Variants in DGKB observed in about 807,000 individuals in gnomAD.
DGKB encodes the protein 90 kDa diacylglycerol kinase.
Under a neutral mutation model 114.3 loss-of-function variants are expected in DGKB, and 67 were observed. The observed-to-expected ratio is 0.59, with a 90% confidence interval of 0.48 to 0.72. The LOEUF (loss-of-function observed/expected upper bound fraction) is 0.72. DGKB is among the 30% of genes least tolerant of loss of function. DGKB has a pLI of 0.00. For missense variants in DGKB, 907 were observed against 975.2 expected, an observed-to-expected ratio of 0.93 and a Z score of 0.93; for synonymous variants, 398 against 323.1, an observed-to-expected ratio of 1.23 and a Z score of -2.49.
At chr7:14,591,137 G>A (rs1801636574) in intron 17 of DGKB, among the ~76,000 whole-genome samples, 1 of 152,230 alleles carries the variant, frequency 6.6e-6, no homozygotes, top group African/African-American at 2.4e-5. Flanking sequence ...CACCCAGGAA[G>A]GCTGTGATGA....
intron 23 of DGKB, among the ~76,000 whole-genome samples, chr7:14,268,198 CAT>C (rs1797783372): frequency 7.1e-6 from 1 of 140,668 alleles, no homozygotes; most frequent in Non-Finnish European, 1.6e-5. Context: ...CACACACACC[CAT>C]AGTCACTGTA....
At chr7:14,709,297 AT>A (rs1826902295) in intron 6 of DGKB, among the ~76,000 whole-genome samples, 1 of 149,302 alleles carries the variant, frequency 6.7e-6, no homozygotes, top group South Asian at 2.2e-4. Flanking sequence ...AATGGCAGTC[AT>A]TAAAAAGTCA....
Position 14,198,320 on chromosome 7 carries a change from T to C in DGKB, c.2123-20169A>G, listed in dbSNP as rs985521565. 2.0e-5 allele frequency among the ~76,000 whole-genome samples: 3 copies of C among 152,060 alleles called. No individual in the cohort carries two copies. In the South Asian group the frequency reaches 6.2e-4, roughly 31 times the overall value. On this transcript the variant is annotated intron_variant, in intron 23 of 25. Transcript: ENST00000402815. ...TGTCAAGGTATGGGAACATCTAAGATTTCACCTTTCTTGAAAGCTAACATG... is the reference window on the plus strand; with the variant it reads ...TGTCAAGGTATGGGAACATCTAAGACTTCACCTTTCTTGAAAGCTAACATG...
intron 2 of DGKB, among the ~76,000 whole-genome samples, chr7:14,770,076 A>G (rs1232938127): frequency 6.6e-6 from 1 of 152,112 alleles, no homozygotes; most frequent in Non-Finnish European, 1.5e-5. Flanking sequence ...TTTAAAGGTG[A>G]TGTTCAAACA....
chr7:14,595,919 A>G (rs946343841), intron 17 of DGKB, among the ~76,000 whole-genome samples: 2 of 152,122 alleles, frequency 1.3e-5, no homozygotes, highest in East Asian at 3.9e-4. Flanking sequence ...AAATACGTGA[A>G]AATCAATATT....
intron 21 of DGKB, among the ~76,000 whole-genome samples, chr7:14,352,416 T>C (rs1813636633): frequency 6.6e-6 from 1 of 152,188 alleles, no homozygotes; most frequent in South Asian, 2.1e-4. Context: ...TGTTCTCTAG[T>C]TCTCTATTTG....
chr7:14,322,219 G>T (rs180937181), intron 23 of DGKB, among the ~76,000 whole-genome samples: 126 of 152,240 alleles, frequency 8.3e-4, no homozygotes, highest in Non-Finnish European at 1.4e-3. Flanking sequence ...TGGTACAGTG[G>T]CAGGGATGAG....
At chr7:14,594,977 T>G (rs1412146864) in intron 17 of DGKB, among the ~76,000 whole-genome samples, 1 of 152,096 alleles carries the variant, frequency 6.6e-6, no homozygotes, top group African/African-American at 2.4e-5. Flanking sequence ...TTCTTGCCTT[T>G]GAGTATCTCA....
At chr7:14,508,116 A>G (rs1787387887) in intron 20 of DGKB, among the ~76,000 whole-genome samples, 1 of 152,202 alleles carries the variant, frequency 6.6e-6, no homozygotes, top group African/African-American at 2.4e-5. Context: ...TATATTAGTT[A>G]TGAATAAAGG....
At chr7:14,919,087 C>CACACAA (rs1554345168) in intron 1 of DGKB, among the ~76,000 whole-genome samples, 207 of 119,936 alleles carry the variant, frequency 1.7e-3, no homozygotes, top group African/African-American at 7.4e-3. Flanking sequence ...CACACACACA[C>CACACAA]ACACACAAAC....
chr7:14,963,557 A>C (rs1353499525), intron 1 of DGKB, among the ~76,000 whole-genome samples: 16 of 152,222 alleles, frequency 1.1e-4, no homozygotes, highest in Non-Finnish European at 2.1e-4. Flanking sequence ...ATAATTAATC[A>C]GGTGTTTCCT....
intron 4 of DGKB, among the ~76,000 whole-genome samples, chr7:14,742,736 AT>A (rs1357292029): frequency 1.3e-5 from 2 of 152,214 alleles, no homozygotes; most frequent in African/African-American, 4.8e-5. Flanking sequence ...AAAGTTTAAA[AT>A]TGCTAAGAGT....
chr7:14,796,935 C>A (rs1841494277), intron 2 of DGKB, among the ~76,000 whole-genome samples: 1 of 151,958 alleles, frequency 6.6e-6, no homozygotes, highest in African/African-American at 2.4e-5. Flanking sequence ...TTAAAAAAAT[C>A]TTTAAAGGCA....
At position 14,810,717 on chromosome 7, in the gene DGKB, G is replaced by A. The variant is rs188911864; in HGVS notation, c.70+30477C>T. Among the ~76,000 whole-genome samples, 47 of 133,954 alleles carry A rather than the reference G, an allele frequency of 3.5e-4. No individual in the cohort carries two copies. The East Asian group carries it at 8.2e-3, about 23-fold the overall frequency. 87.9% of individuals were successfully genotyped at this position (133,954 alleles called of 152,430 possible). On this transcript the variant is annotated intron_variant, in intron 2 of 25. Coordinates refer to ENST00000402815, the MANE Select transcript of DGKB (RefSeq NM_001350709.2). ...TCCATTTCCCAGGCTCAAGCGATTC[G>A]TGTGTCCCAGCCTCTCAAGTAGCTG...
intron 1 of DGKB, among the ~76,000 whole-genome samples, chr7:14,854,214 G>C (rs1468050037): frequency 6.6e-6 from 1 of 152,134 alleles, no homozygotes; most frequent in East Asian, 1.9e-4. Flanking sequence ...ATTTCAGTAA[G>C]GTAACTCTGG....
intron 17 of DGKB, among the ~76,000 whole-genome samples, chr7:14,583,361 T>A (rs1800242917): frequency 6.6e-6 from 1 of 152,106 alleles, no homozygotes; most frequent in South Asian, 2.1e-4. Context: ...GATTCCATAA[T>A]GAATATACTC....
chr7:14,264,296 A>C (rs1204237907), intron 23 of DGKB, among the ~76,000 whole-genome samples: 2 of 152,220 alleles, frequency 1.3e-5, no homozygotes, highest in African/African-American at 4.8e-5. Flanking sequence ...TCAGAAATTT[A>C]TCTGAAATAG....
chr7:14,505,249 G>A (rs1343980841), intron 20 of DGKB, among the ~76,000 whole-genome samples: 1 of 152,100 alleles, frequency 6.6e-6, no homozygotes, highest in Non-Finnish European at 1.5e-5. Flanking sequence ...GAAATCAGGA[G>A]TTTGAGACTA....
intron 6 of DGKB, among the ~76,000 whole-genome samples, chr7:14,704,512 G>T (rs1328580925): frequency 6.6e-6 from 1 of 151,476 alleles, no homozygotes; most frequent in Non-Finnish European, 1.5e-5. Flanking sequence ...AATAGGAACA[G>T]CTCCGGTCTA....
Sources: allele counts gnomAD v4.1 joint callset (sites outside exome capture counted in the v4.1 genomes callset), GRCh38; gene constraint gnomAD v4.1.1; transcripts MANE v1.5; gene names NCBI Gene and HGNC (gene_info 2026-07-23, HGNC 2026-07-21).